MYO16: variants seen among roughly 807,000 people sequenced by gnomAD.
MYO16 encodes myosin XVI.
MYO16 carries 94 observed loss-of-function variants against 205.3 expected under a neutral mutation model. That is an observed-to-expected ratio of 0.46 (90% CI 0.39 to 0.54). The LOEUF is 0.54. Among genes scored for constraint, MYO16 ranks in the 20% least tolerant of loss-of-function variants. The pLI is 0.00. For synonymous variants in MYO16, 988 were observed against 954.0 expected (o/e 1.04, Z -0.66); for missense variants, 2,315 against 2,387.5 (o/e 0.97, Z 0.63).
the MYO16 span, among the ~76,000 whole-genome samples, chr13:108,499,153 G>C: frequency 6.6e-6 from 1 of 151,998 alleles, no homozygotes; most frequent in Non-Finnish European, 1.5e-5. Flanking sequence ...CAACTTGCCT[G>C]TTTTAAGCAT....
At chr13:109,138,011 G>A (rs1246598086) in intron 31 of MYO16, among the ~76,000 whole-genome samples, 3 of 152,170 alleles carry the variant, frequency 2.0e-5, no homozygotes, top group African/African-American at 7.2e-5. Context: ...TTCCCACTAG[G>A]GTAGAGGAGG....
At chr13:109,186,561 C>G (rs765963597) in intron 34 of MYO16, among the ~76,000 whole-genome samples, 2 of 152,052 alleles carry the variant, frequency 1.3e-5, no homozygotes, top group Non-Finnish European at 2.9e-5. Flanking sequence ...AGTTACAGCA[C>G]CCAAGGAAGT....
chr13:109,193,218 T>C (rs1246879004), intron 34 of MYO16, among the ~76,000 whole-genome samples: 2 of 152,300 alleles, frequency 1.3e-5, no homozygotes, highest in East Asian at 3.9e-4. Flanking sequence ...ATAAATGAAC[T>C]TAATTTTGCT....
At chr13:108,807,038 A>T (rs1887136616) in intron 7 of MYO16, among the ~76,000 whole-genome samples, 1 of 152,220 alleles carries the variant, frequency 6.6e-6, no homozygotes, top group Non-Finnish European at 1.5e-5. Context: ...AATAATCAAA[A>T]TCTGTAAACA....
chr13:108,962,027 A>G (rs923058777), intron 18 of MYO16, among the ~76,000 whole-genome samples: 1 of 152,232 alleles, frequency 6.6e-6, no homozygotes, highest in Non-Finnish European at 1.5e-5. Flanking sequence ...AGATCTTGCC[A>G]AAAATCTCTC....
At chr13:108,565,950 T>G in the MYO16 span, among the ~76,000 whole-genome samples, 1 of 152,126 alleles carries the variant, frequency 6.6e-6, no homozygotes, top group African/African-American at 2.4e-5. Context: ...TTGTTGAGGA[T>G]TTTTGCATCA....
rs369864346 is a variant in MYO16 at position 108,860,006 on chromosome 13, G to A, written c.1359+4453G>A. On this transcript the variant is annotated intron_variant, in intron 11 of 34. Coordinates refer to ENST00000457511, the MANE Select transcript of MYO16 (RefSeq NM_001198950.3). ...GGGTGACCCAGGTTAATGTAGCAGAGCCTCTTTTTTTTTTTAACTTTTATT... is the reference window on the plus strand; with the variant it reads ...GGGTGACCCAGGTTAATGTAGCAGAACCTCTTTTTTTTTTTAACTTTTATT... Among the ~76,000 whole-genome samples the A allele has an allele frequency of 3.6e-4, 54 of 151,962 alleles. 2 individuals are homozygous for A. The South Asian group carries it at 0.011, about 31-fold the overall frequency.
intron 4 of MYO16, among the ~76,000 whole-genome samples, chr13:108,745,182 G>C (rs912521336): frequency 2.0e-5 from 3 of 152,178 alleles, no homozygotes; most frequent in Non-Finnish European, 4.4e-5. Flanking sequence ...AATCTGAGGG[G>C]ATGAAGATGG....
chr13:108,589,516 G>C, the MYO16 span, among the ~76,000 whole-genome samples: 1 of 151,994 alleles, frequency 6.6e-6, no homozygotes, highest in Non-Finnish European at 1.5e-5. Context: ...TTACTGTTTA[G>C]TCAGTAATCA....
At chr13:109,020,199 C>T (rs553157224) in intron 23 of MYO16, among the ~76,000 whole-genome samples, 1 of 152,218 alleles carries the variant, frequency 6.6e-6, no homozygotes, top group South Asian at 2.1e-4. Flanking sequence ...CTGCTATAAA[C>T]TTTGGAATAT....
chr13:108,598,002 T>C (rs1405598954), intron 1 of MYO16, among the ~76,000 whole-genome samples: 1 of 152,228 alleles, frequency 6.6e-6, no homozygotes, highest in Non-Finnish European at 1.5e-5. Flanking sequence ...TTTTGAGTAG[T>C]CCACCATTCC....
At chr13:109,120,265 G>A in intron 28 of MYO16, 105 bp from the exon 29 acceptor site, 1 of 748,966 alleles carries the variant, frequency 1.3e-6, no homozygotes. Context: ...TTCTGAGTTT[G>A]TTTCTTCTAA....
At chr13:109,107,654 T>G (rs900909552) in intron 28 of MYO16, among the ~76,000 whole-genome samples, 1 of 151,944 alleles carries the variant, frequency 6.6e-6, no homozygotes, top group African/African-American at 2.4e-5. Context: ...ATAAATCAAC[T>G]ATAATTACAA....
At chr13:109,108,611 C>T (rs534322848) in intron 28 of MYO16, among the ~76,000 whole-genome samples, 5 of 152,208 alleles carry the variant, frequency 3.3e-5, no homozygotes, top group Non-Finnish European at 7.3e-5. Flanking sequence ...CGATGGCTCA[C>T]AGTCTGCTGG....
At chr13:109,107,853 GTC>G (rs1271675495) in intron 28 of MYO16, among the ~76,000 whole-genome samples, 3 of 71,724 alleles carry the variant, frequency 4.2e-5, no homozygotes, top group African/African-American at 1.4e-4. Flanking sequence ...ATGTGTGTGT[GTC>G]TGTGTGTGTG....
chr13:108,541,876 G>C, the MYO16 span, among the ~76,000 whole-genome samples: 1 of 152,178 alleles, frequency 6.6e-6, no homozygotes, highest in Non-Finnish European at 1.5e-5. Flanking sequence ...ATGTAAATTA[G>C]TTCAGCCATT....
intron 2 of MYO16, among the ~76,000 whole-genome samples, chr13:108,668,792 G>C (rs1257718909): frequency 6.6e-6 from 1 of 152,160 alleles, no homozygotes; most frequent in African/African-American, 2.4e-5. Flanking sequence ...TCCTGTTCCA[G>C]AGGCAGCTCA....
At chr13:108,663,484 A>G (rs534355441) in intron 1 of MYO16, among the ~76,000 whole-genome samples, 6 of 152,320 alleles carry the variant, frequency 3.9e-5, no homozygotes, top group Admixed American at 6.5e-5. Context: ...AGATCAAAAC[A>G]TGGGGAATTA....
At chr13:108,801,852 C>A (rs1308123098) in intron 6 of MYO16, among the ~76,000 whole-genome samples, 2 of 152,182 alleles carry the variant, frequency 1.3e-5, no homozygotes, top group Non-Finnish European at 2.9e-5. Flanking sequence ...AGCTCTCGAT[C>A]AAAGTTAGCC....
Sources: gnomAD v4.1 joint callset for allele counts (sites outside exome capture counted in the v4.1 genomes callset) on GRCh38, gnomAD v4.1.1 for gene constraint, MANE v1.5 for transcripts, NCBI Gene and HGNC (gene_info 2026-07-23, HGNC 2026-07-21) for gene names.